The following PCDHA5 variants were observed in gnomAD, a reference collection of about 807,000 sequenced individuals.
PCDHA5 encodes the protein protocadherin alpha 5, also known as protocadherin alpha-5.
PCDHA5 carries 43 observed loss-of-function variants against 61.6 expected under a neutral mutation model. The observed-to-expected ratio is 0.70, with a 90% CI of 0.55 to 0.90. The LOEUF is 0.90. Among genes scored for constraint, PCDHA5 ranks in the 40% least tolerant of loss-of-function variants. PCDHA5 has a pLI of 0.00. For missense variants in PCDHA5, 1,298 were observed against 1,222.7 expected (o/e 1.06, Z -0.92); for synonymous variants, 627 against 543.9 (o/e 1.15, Z -2.13).
At chr5:140,858,376 A>G in intron 1 of PCDHA5, 2 of 1,587,998 alleles carry the variant, frequency 1.3e-6, no homozygotes. Flanking sequence ...GCCTTCCACC[A>G]TGCCCAATGG....
At chr5:140,877,276 G>A (rs1038142877) in intron 1 of PCDHA5, 5 of 1,613,744 alleles carry the variant, frequency 3.1e-6, no homozygotes, top group Admixed American at 1.7e-5. Context: ...CGCTGACTCC[G>A]GCTATAACGC....
At chr5:140,858,252 C>T in intron 1 of PCDHA5, 1 of 1,596,744 alleles carries the variant, frequency 6.3e-7, no homozygotes. Context: ...CCGGTGAAGC[C>T]CACGCTGGTG....
At position 140,842,945 on chromosome 5, in the gene PCDHA5, G is replaced by T. The variant is rs2150348444; in HGVS notation, c.2352+18818G>T. The T allele has an allele frequency of 7.5e-6, 12 of 1,594,542 alleles. 1 individual carries two copies. In the East Asian group the frequency reaches 1.8e-4, roughly 24 times the overall value. On this transcript the variant is annotated intron_variant, in intron 1 of 3. Transcript: ENST00000529859. ...CCAGGTGAGCGCGCGCGACGCGGGC[G>T]TGCCGCCTCTGGGCAGCAACGTGAC...
intron 1 of PCDHA5, among the ~76,000 whole-genome samples, chr5:140,917,324 C>CGGGGGG (rs1299895515): frequency 3.9e-5 from 3 of 76,174 alleles, no homozygotes; most frequent in East Asian, 7.2e-4. Flanking sequence ...GTTCATGTGG[C>CGGGGGG]GGGGGAGGGG....
At chr5:140,882,070 C>A in intron 1 of PCDHA5, 1 of 854,286 alleles carries the variant, frequency 1.2e-6, no homozygotes, top group Non-Finnish European at 1.8e-6. Context: ...CGTTCATGCG[C>A]ATGGTGTCGC....
intron 1 of PCDHA5, chr5:140,882,210 CAGTTTG>C (rs1332497676): frequency 6.5e-7 from 1 of 1,533,604 alleles, no homozygotes; most frequent in African/African-American, 1.4e-5. Flanking sequence ...CCTTGAGAGA[CAGTTTG>C]AGGTAAGGCG....
At chr5:140,849,809 G>A (rs147465571) in intron 1 of PCDHA5, 3 of 1,598,384 alleles carry the variant, frequency 1.9e-6, no homozygotes, top group East Asian at 2.2e-5. Context: ...TGTGGGCCAC[G>A]GCCAGGGTGT....
chr5:140,898,392 T>G (rs1464159946), intron 1 of PCDHA5, among the ~76,000 whole-genome samples: 3 of 152,224 alleles, frequency 2.0e-5, no homozygotes, highest in African/African-American at 7.2e-5. Flanking sequence ...GGATCCAGTT[T>G]CAGCTTTCTA....
rs77462249 is a variant in PCDHA5 at position 141,008,293 on chromosome 5, C to G, written c.2501-1334C>G. ...ATAGGAAATTGAAATAGCAGTTGTA[C>G]CCAACCCTAAACTGTAATTGAACAT... On this transcript the variant is annotated intron_variant, in intron 3 of 3. Coordinates refer to ENST00000529859, the MANE Select transcript of PCDHA5 (RefSeq NM_018908.3). 3.5e-3 allele frequency among the ~76,000 whole-genome samples: 527 copies of G among 152,254 alleles called. 1 individual carries two copies. The highest frequency in any genetic ancestry group is 5.9e-3 in the Non-Finnish European group (399 of 68,006).
chr5:140,956,243 C>T (rs2095270530), intron 1 of PCDHA5, among the ~76,000 whole-genome samples: 1 of 152,142 alleles, frequency 6.6e-6, no homozygotes, highest in African/African-American at 2.4e-5. Flanking sequence ...AAGGGGAATG[C>T]TTCCAGGTTT....
At chr5:140,891,454 A>C (rs1562858065) in intron 1 of PCDHA5, among the ~76,000 whole-genome samples, 1 of 145,650 alleles carries the variant, frequency 6.9e-6, no homozygotes, top group East Asian at 2.1e-4. Context: ...AGGATTTTTG[A>C]ATTTGTGAAT....
chr5:140,884,217 T>A (rs782181432), intron 1 of PCDHA5: 4 of 1,613,448 alleles, frequency 2.5e-6, no homozygotes, highest in Non-Finnish European at 3.4e-6. Flanking sequence ...CTTCTGGTGC[T>A]GGTGAAGGAC....
chr5:140,925,721 T>C lies in PCDHA5; in HGVS notation c.2353-53228T>C, dbSNP rs1360748997. Among the ~76,000 whole-genome samples the C allele has an allele frequency of 3.3e-5, 5 of 151,692 alleles. No individual in the cohort carries two copies. In the East Asian group the frequency reaches 7.7e-4, roughly 23 times the overall value. ...AGCCTATTCTTATCCTGCCTCATGG[T>C]GTTTTCTAAATATTTACAGAAAGAA... On this transcript the variant is annotated intron_variant, in intron 1 of 3. Transcript: ENST00000529859.
At chr5:141,004,532 C>G (rs569751588) in intron 3 of PCDHA5, among the ~76,000 whole-genome samples, 1 of 152,314 alleles carries the variant, frequency 6.6e-6, no homozygotes, top group African/African-American at 2.4e-5. Context: ...TACACACAGC[C>G]ATTAATGTCC....
rs782810123 is a variant in PCDHA5, at chr5:140,876,271, T to C, written c.2352+52144T>C. 1.9e-6 allele frequency: 3 copies of C among 1,613,926 alleles called. No individual in the cohort carries two copies. In the African/African-American group the frequency reaches 4.0e-5, roughly 22 times the overall value. On this transcript the variant is annotated intron_variant, in intron 1 of 3. Coordinates refer to ENST00000529859, the MANE Select transcript of PCDHA5 (RefSeq NM_018908.3). ...CACAAGAGTGATCCAACTAAATGCTTCCGATCCAGACGAAGGACTTAATGG... is the reference window on the plus strand; with the variant it reads ...CACAAGAGTGATCCAACTAAATGCTCCCGATCCAGACGAAGGACTTAATGG...
Position 141,010,175 on chromosome 5 carries a change from A to G in PCDHA5, c.*238A>G. The G allele has an allele frequency of 6.4e-7, 1 of 1,556,224 alleles. No homozygotes were observed. The highest frequency in any genetic ancestry group is 8.7e-7 in the Non-Finnish European group (1 of 1,149,078). On this transcript the variant is annotated 3_prime_UTR_variant, in exon 4 of 4. Coordinates refer to ENST00000529859, the MANE Select transcript of PCDHA5 (RefSeq NM_018908.3). ...TCTGGCTTGTTTTCAGAACCTAAAA[A>G]GCAGACCCAAGTTTCCTTTCTCCTC...
At chr5:140,958,375 T>A (rs1554223446) in intron 1 of PCDHA5, among the ~76,000 whole-genome samples, 1 of 152,162 alleles carries the variant, frequency 6.6e-6, no homozygotes, top group Non-Finnish European at 1.5e-5. Flanking sequence ...AATGTTGCTA[T>A]TTTCTTAACA....
At chr5:140,851,764 C>T (rs1282695804) in intron 1 of PCDHA5, 1 of 969,228 alleles carries the variant, frequency 1.0e-6, no homozygotes, top group Non-Finnish European at 1.2e-6. Context: ...AAAACATTAC[C>T]CTTATGAATT....
rs1554128830 is a variant in PCDHA5 at position 140,822,720 on chromosome 5, T to C, written c.945T>C (p.Tyr315=). 3 of 1,612,092 alleles carry C rather than the reference T, an allele frequency of 1.9e-6. No individual in the cohort carries two copies. The South Asian group carries it at 3.3e-5, about 18-fold the overall frequency. Residue 315 remains tyrosine (Y), a synonymous_variant, in exon 1 of 4, where the codon TAT becomes TAC. Coordinates refer to ENST00000529859, the MANE Select transcript of PCDHA5 (RefSeq NM_018908.3). ...GELDYEDYNS[Y]EINIDAMDKS... is the part of the protein sequence containing the mutation. ...TGGATTATGAAGACTATAACTCATA[T>C]GAAATTAATATTGATGCCATGGATA...
Sources: gnomAD v4.1 joint callset for allele counts (sites outside exome capture counted in the v4.1 genomes callset) on GRCh38, gnomAD v4.1.1 for gene constraint, MANE v1.5 for transcripts, NCBI Gene and HGNC (gene_info 2026-07-23, HGNC 2026-07-21) for gene names.